Variants in CYRIB observed in about 807,000 individuals in gnomAD.
The protein encoded by CYRIB is CYFIP-related Rac1 interactor B.
Under a neutral mutation model 44.2 loss-of-function variants are expected in CYRIB, and 8 were observed. The observed-to-expected ratio is 0.18, with a 90% CI of 0.11 to 0.33. CYRIB has a LOEUF of 0.33. Ranked by LOEUF, CYRIB falls within the 10% of genes least tolerant of loss-of-function variation. The probability of loss-of-function intolerance (pLI) is 1.00; values close to 1 mark genes in which losing one functional copy is unlikely to be tolerated. For synonymous variants in CYRIB, 131 were observed against 127.2 expected, an observed-to-expected ratio of 1.03 and a Z score of -0.20; for missense variants, 185 against 382.8, an observed-to-expected ratio of 0.48 and a Z score of 4.31.
At chr8:130,012,835 G>A (rs1478309010) in intron 1 of CYRIB, among the ~76,000 whole-genome samples, 1 of 152,152 alleles carries the variant, frequency 6.6e-6, no homozygotes, top group Non-Finnish European at 1.5e-5. Flanking sequence ...TTTCAGCCTG[G>A]TGAGGCCAAT....
At chr8:129,926,778 G>A (rs2088019155) in intron 1 of CYRIB, among the ~76,000 whole-genome samples, 3 of 152,116 alleles carry the variant, frequency 2.0e-5, no homozygotes, top group Non-Finnish European at 1.5e-5. Flanking sequence ...CTTGCAGTGG[G>A]GATCAGTCCT....
upstream of CYRIB, chr8:129,940,025 G>C (rs2093552396): frequency 6.6e-6 from 1 of 152,196 alleles, no homozygotes; most frequent in South Asian, 2.1e-4. Flanking sequence ...GAGGAAGGAG[G>C]CGTGGCCACC....
In CYRIB at chr8:129,924,314, G is replaced by GGGGGGGGGA. The variant is rs1554645242; in HGVS notation, c.-50+15293_-50+15294insTCCCCCCCC. Among the ~76,000 whole-genome samples the GGGGGGGGGA allele has an allele frequency of 8.6e-5, 3 of 34,940 alleles. 1 individual carries two copies. Among genetic ancestry groups the GGGGGGGGGA allele is most frequent in the Non-Finnish European group, 5.1e-5 (1 of 19,572 alleles). 22.9% of individuals were successfully genotyped at this position (34,940 alleles called of 152,430 possible). A position where few individuals can be genotyped will look rare whatever the true frequency, so the allele number is the denominator to read the frequency against. On this transcript the variant is annotated intron_variant, in intron 1 of 11. Coordinates refer to ENST00000519824, the Ensembl canonical transcript of CYRIB. ...ACCGGGGGGGGGGGGGGTGGCGGGG[G>GGGGGGGGGA]GGGTGTTACTTACCTCACATCAGTG...
At chr8:129,978,080 C>T (rs1226004101) in intron 1 of CYRIB, among the ~76,000 whole-genome samples, 2 of 151,992 alleles carry the variant, frequency 1.3e-5, no homozygotes, top group Non-Finnish European at 2.9e-5. Flanking sequence ...GCCACCATGC[C>T]TAATTTTTTT....
intron 3 of CYRIB, among the ~76,000 whole-genome samples, chr8:129,873,057 T>G (rs2057909425): frequency 6.6e-6 from 1 of 151,984 alleles, no homozygotes; most frequent in Non-Finnish European, 1.5e-5. Context: ...AATTCAATAA[T>G]TACATTACCA....
chr8:129,930,365 T>TTA (rs1554659983), intron 1 of CYRIB, among the ~76,000 whole-genome samples: 2,600 of 50,416 alleles, frequency 0.052, 513 homozygotes, highest in African/African-American at 0.17. Context: ...TGTGAAGTGC[T>TTA]TATATATATA....
chr8:129,939,563 G>A (rs1225731466), intron 1 of CYRIB: 1 of 152,188 alleles, frequency 6.6e-6, no homozygotes, highest in African/African-American at 2.4e-5. Context: ...AGGAAAGCTA[G>A]GAGTGTGAAG....
chr8:129,964,774 C>T (rs2095409674), intron 2 of CYRIB, among the ~76,000 whole-genome samples: 1 of 152,180 alleles, frequency 6.6e-6, no homozygotes, highest in South Asian at 2.1e-4. Context: ...GTCCCAGCTA[C>T]TCAGGAGGCT....
intron 2 of CYRIB, among the ~76,000 whole-genome samples, chr8:129,968,830 T>C (rs2095584076): frequency 6.6e-6 from 1 of 152,036 alleles, no homozygotes; most frequent in African/African-American, 2.4e-5. Context: ...TCTAGCCCCT[T>C]TTCATGAAAA....
At chr8:129,975,158 C>T (rs1009191271) in intron 1 of CYRIB, among the ~76,000 whole-genome samples, 4 of 152,102 alleles carry the variant, frequency 2.6e-5, no homozygotes, top group South Asian at 2.1e-4. Context: ...GGATTACAGG[C>T]GTGAGCCACT....
At chr8:129,853,447 G>A (rs1411376687) in intron 7 of CYRIB, among the ~76,000 whole-genome samples, 1 of 152,166 alleles carries the variant, frequency 6.6e-6, no homozygotes, top group Admixed American at 6.6e-5. Context: ...AAAAGAAAAT[G>A]AATGATAGTC....
chr8:129,990,140 A>C (rs1384436658), intron 1 of CYRIB, among the ~76,000 whole-genome samples: 1 of 152,090 alleles, frequency 6.6e-6, no homozygotes, highest in Non-Finnish European at 1.5e-5. Flanking sequence ...CATCTCTTCT[A>C]CTAGGCTGTG....
intron 4 of CYRIB, chr8:129,868,451 C>T (rs1327331359): frequency 6.6e-6 from 1 of 152,096 alleles, no homozygotes; most frequent in African/African-American, 2.4e-5. Flanking sequence ...TTGCTTTTTA[C>T]TTTTCCCTTA....
At chr8:129,983,596 G>A (rs2096334483) in intron 1 of CYRIB, among the ~76,000 whole-genome samples, 1 of 152,246 alleles carries the variant, frequency 6.6e-6, no homozygotes, top group African/African-American at 2.4e-5. Context: ...CCCTGAGTGT[G>A]GCCCCACACA....
chr8:129,884,226 G>T (rs1338697620), intron 2 of CYRIB, among the ~76,000 whole-genome samples: 2 of 152,070 alleles, frequency 1.3e-5, no homozygotes, highest in African/African-American at 4.8e-5. Flanking sequence ...GCCATCTAAA[G>T]GAGACTAGTA....
intron 1 of CYRIB, among the ~76,000 whole-genome samples, chr8:129,998,452 G>A (rs12548670): frequency 0.46 from 69,685 of 151,740 alleles, 18,740 homozygotes; most frequent in African/African-American, 0.75. Context: ...TCCAGGGCCA[G>A]CCTTAATGAA....
intron 4 of CYRIB, among the ~76,000 whole-genome samples, chr8:129,871,052 C>T (rs927797122): frequency 2.0e-5 from 3 of 152,152 alleles, no homozygotes; most frequent in Non-Finnish European, 4.4e-5. Flanking sequence ...GATGTAAAGT[C>T]ATGGGGAAGG....
chr8:129,879,989 A>G (rs564670906), intron 2 of CYRIB, among the ~76,000 whole-genome samples: 1 of 152,308 alleles, frequency 6.6e-6, no homozygotes, highest in South Asian at 2.1e-4. Context: ...TGGATTGTCA[A>G]TAATTTGTGG....
intron 1 of CYRIB, among the ~76,000 whole-genome samples, chr8:129,973,733 G>A (rs2095809390): frequency 6.6e-6 from 1 of 152,172 alleles, no homozygotes; most frequent in African/African-American, 2.4e-5. Flanking sequence ...GGCTGAGAAA[G>A]GAGGATCACT....
Sources: gnomAD v4.1 joint callset for allele counts (sites outside exome capture counted in the v4.1 genomes callset) on GRCh38, gnomAD v4.1.1 for gene constraint, MANE v1.5 for transcripts, NCBI Gene and HGNC (gene_info 2026-07-23, HGNC 2026-07-21) for gene names.